Variants in RPS6KA3 observed in about 807,000 individuals in gnomAD.
RPS6KA3 encodes the protein ribosomal protein S6 kinase A3, also known as ribosomal protein S6 kinase alpha-3.
In RPS6KA3, 4 loss-of-function variants were observed where a neutral mutation model predicts 67.2. The ratio of observed to expected loss-of-function variants is 0.06; its 90% CI spans 0.03 to 0.14. The LOEUF is 0.14. Among genes scored for constraint, RPS6KA3 ranks in the 10% least tolerant of loss-of-function variants. The pLI is 1.00. For synonymous variants in RPS6KA3, 182 were observed against 183.7 expected (o/e 0.99, Z 0.07); for missense variants, 204 against 559.0 (o/e 0.36, Z 6.40).
chrX:20,177,152 T>A, intron 10 of RPS6KA3, 68 bp from the exon 11 acceptor site: 2 of 778,214 alleles, frequency 2.6e-6, no homozygotes, highest in Admixed American at 2.4e-5. Flanking sequence ...TAAAAATTCT[T>A]AAATTAAACT....
intron 7 of RPS6KA3, among the ~76,000 whole-genome samples, chrX:20,192,600 T>C (rs1248173983): frequency 3.0e-4 from 27 of 89,821 alleles, no homozygotes; most frequent in African/African-American, 9.1e-4. Context: ...TTCTTTTTTT[T>C]TTTTTTTTTT....
chrX:20,181,574 C>T (rs1278991280), intron 10 of RPS6KA3, among the ~76,000 whole-genome samples: 1 of 111,486 alleles, frequency 9.0e-6, no homozygotes, highest in African/African-American at 3.3e-5. Flanking sequence ...CCTTGTCTCC[C>T]CCACTAAAAT....
chrX:20,256,825 T>C (rs757726664), intron 1 of RPS6KA3, among the ~76,000 whole-genome samples: 6 of 112,099 alleles, frequency 5.4e-5, no homozygotes, highest in African/African-American at 1.6e-4. Context: ...TCATGCTACA[T>C]ACATACATAT....
At chrX:20,230,915 C>A (rs1221333980) in intron 2 of RPS6KA3, among the ~76,000 whole-genome samples, 1 of 111,229 alleles carries the variant, frequency 9.0e-6, no homozygotes, top group Non-Finnish European at 1.9e-5. Flanking sequence ...CTATAAAATA[C>A]CCATAATTTG....
intron 1 of RPS6KA3, among the ~76,000 whole-genome samples, 168 bp from the exon 2 acceptor site, chrX:20,234,982 A>T (rs990347918): frequency 2.7e-5 from 3 of 112,055 alleles, no homozygotes; most frequent in Non-Finnish European, 5.6e-5. Context: ...TTGCAACAGG[A>T]TGTGCTTCAA....
intron 3 of RPS6KA3, among the ~76,000 whole-genome samples, chrX:20,206,668 T>C (rs985568321): frequency 8.9e-5 from 10 of 111,871 alleles, no homozygotes; most frequent in African/African-American, 3.3e-4. Context: ...AAAACTGCAA[T>C]TGTGGCAAGT....
intron 1 of RPS6KA3, among the ~76,000 whole-genome samples, chrX:20,255,136 T>C (rs1179558948): frequency 2.7e-5 from 3 of 112,221 alleles, no homozygotes; most frequent in South Asian, 3.7e-4. Context: ...ATCCATAAAA[T>C]AGATTATTCA....
At chrX:20,220,681 T>TTA (rs765826188) in intron 2 of RPS6KA3, among the ~76,000 whole-genome samples, 1 of 112,276 alleles carries the variant, frequency 8.9e-6, no homozygotes, top group Admixed American at 9.4e-5. Context: ...GTGCTCAGGT[T>TTA]AATAATTCAC....
At chrX:20,218,357 A>T (rs1428422082) in intron 2 of RPS6KA3, among the ~76,000 whole-genome samples, 1 of 111,986 alleles carries the variant, frequency 8.9e-6, no homozygotes, top group Middle Eastern at 4.2e-3. Flanking sequence ...ATTTCCACCA[A>T]AATGTGATTT....
intron 20 of RPS6KA3, 89 bp from the exon 21 acceptor site, chrX:20,156,338 T>C: frequency 1.0e-6 from 1 of 956,184 alleles, no homozygotes; most frequent in Non-Finnish European, 1.5e-6. Context: ...CTTCCTTAGC[T>C]TCTGTGATAC....
rs1444861719 is a variant in RPS6KA3, at chrX:20,152,431, A to C, written c.*2967T>G. ...GTACGTGCTTGACAAGCTTAAATTC[A>C]ATCTCTCATTTTGTAAAAGAGGCCT... is the stretch of plus-strand genomic sequence containing the variant. On this transcript the variant is annotated 3_prime_UTR_variant, in exon 22 of 22. Coordinates refer to ENST00000379565, the MANE Select transcript of RPS6KA3 (RefSeq NM_004586.3). 8.9e-6 allele frequency: 1 copy of C among 112,743 alleles called. No homozygotes were observed. The highest frequency in any genetic ancestry group is 3.2e-5 in the African/African-American group (1 of 30,998). 9.3% of individuals were successfully genotyped at this position (112,743 alleles called of 1,213,427 possible).
rs115106242 is a variant in RPS6KA3, at chrX:20,170,450, G to A, written c.1354-959C>T. On this transcript the variant is annotated intron_variant, in intron 15 of 21. Coordinates refer to ENST00000379565, the MANE Select transcript of RPS6KA3 (RefSeq NM_004586.3). ...TTGAACTATGAGGGACCAATTACAC[G>A]TGGATTTTCTTCTGCTTCTGCCACC... is the stretch of plus-strand genomic sequence containing the variant. Among the ~76,000 whole-genome samples the A allele has an allele frequency of 5.6e-3, 626 of 110,850 alleles. 4 individuals carry two copies. The highest frequency in any genetic ancestry group is 0.019 in the African/African-American group (589 of 30,520).
chrX:20,157,501 C>CAAAAAAAA (rs1197154800), intron 20 of RPS6KA3, among the ~76,000 whole-genome samples: 1 of 49,931 alleles, frequency 2.0e-5, no homozygotes, highest in Non-Finnish European at 3.6e-5. Context: ...GACCCTGTCT[C>CAAAAAAAA]AAAAAAAAAA....
At chrX:20,164,064 T>C (rs2067372288) in intron 18 of RPS6KA3, among the ~76,000 whole-genome samples, 1 of 111,575 alleles carries the variant, frequency 9.0e-6, no homozygotes, top group Admixed American at 9.6e-5. Context: ...GGCAGGAGGA[T>C]TGCTTGAGCT....
intron 1 of RPS6KA3, among the ~76,000 whole-genome samples, chrX:20,238,079 T>C (rs1278079378): frequency 1.8e-5 from 2 of 111,662 alleles, no homozygotes; most frequent in Admixed American, 9.5e-5. Context: ...TAATCCACCC[T>C]GAAACTTATC....
intron 20 of RPS6KA3, among the ~76,000 whole-genome samples, 189 bp downstream of exon 20, chrX:20,161,455 A>G (rs1246203217): frequency 8.9e-6 from 1 of 112,394 alleles, no homozygotes; most frequent in Non-Finnish European, 1.9e-5. Context: ...AGTATAAATA[A>G]TAAGGCCAAA....
intron 1 of RPS6KA3, among the ~76,000 whole-genome samples, chrX:20,250,193 C>T (rs761517971): frequency 1.5e-3 from 164 of 110,960 alleles, no homozygotes; most frequent in African/African-American, 5.2e-3. Flanking sequence ...AGGGTTCCTC[C>T]CATTTTGTTT....
chrX:20,182,743 A>C (rs2067876204), intron 10 of RPS6KA3, among the ~76,000 whole-genome samples: 1 of 111,978 alleles, frequency 8.9e-6, no homozygotes, highest in African/African-American at 3.2e-5. Flanking sequence ...ATGAGGGTAT[A>C]CATATATTTG....
chrX:20,151,841 C>G lies in RPS6KA3; in HGVS notation c.*3557G>C, dbSNP rs1319521811. ...TGCAAATCTTGAATGCTTTTCTGCT[C>G]TCATCCCAGGCTGGGCTTACCTGAG... On this transcript the variant is annotated 3_prime_UTR_variant, in exon 22 of 22. Coordinates refer to ENST00000379565, the MANE Select transcript of RPS6KA3 (RefSeq NM_004586.3). 1 of 112,005 alleles carries G rather than the reference C, an allele frequency of 8.9e-6. No homozygotes were observed. Among genetic ancestry groups the G allele is most frequent in the Non-Finnish European group, 1.9e-5 (1 of 53,289 alleles). 9.2% of individuals were successfully genotyped at this position (112,005 alleles called of 1,213,427 possible). A position where few individuals can be genotyped will look rare whatever the true frequency, so the allele number is the denominator to read the frequency against.
Sources: gnomAD v4.1 joint callset for allele counts (sites outside exome capture counted in the v4.1 genomes callset) on GRCh38, gnomAD v4.1.1 for gene constraint, MANE v1.5 for transcripts, NCBI Gene and HGNC (gene_info 2026-07-23, HGNC 2026-07-21) for gene names.